CSMD1: variants seen among roughly 807,000 people sequenced by gnomAD.
CSMD1 encodes CUB and Sushi multiple domains 1.
In CSMD1, 213 loss-of-function variants were observed where a neutral mutation model predicts 417.5. That is an observed-to-expected ratio of 0.51 (90% CI 0.46 to 0.57). CSMD1 has a LOEUF of 0.57. Ranked by LOEUF, CSMD1 falls within the 20% of genes least tolerant of loss-of-function variation. The pLI is 0.00. For missense variants in CSMD1, 6,923 were observed against 4,529.7 expected, an observed-to-expected ratio of 1.53 and a Z score of -15.17; for synonymous variants, 2,862 against 1,736.8, an observed-to-expected ratio of 1.65 and a Z score of -16.11.
intron 1 of CSMD1, among the ~76,000 whole-genome samples, chr8:4,741,018 C>A (rs943024127): frequency 6.6e-6 from 1 of 152,048 alleles, no homozygotes; most frequent in African/African-American, 2.4e-5. Flanking sequence ...TTTACTAGAA[C>A]CGAAAGTCCT....
At chr8:3,998,652 A>G (rs972417675) in intron 4 of CSMD1, among the ~76,000 whole-genome samples, 1 of 152,190 alleles carries the variant, frequency 6.6e-6, no homozygotes, top group African/African-American at 2.4e-5. Context: ...TTCTGAGTAG[A>G]AAACAGTTAC....
At chr8:4,303,364 T>G (rs1015559230) in intron 3 of CSMD1, among the ~76,000 whole-genome samples, 1 of 151,288 alleles carries the variant, frequency 6.6e-6, no homozygotes, top group Non-Finnish European at 1.5e-5. Flanking sequence ...CACCAAAATC[T>G]TCAAATAATT....
At chr8:3,610,436 G>A (rs540821509) in intron 8 of CSMD1, among the ~76,000 whole-genome samples, 38 of 147,752 alleles carry the variant, frequency 2.6e-4, no homozygotes, top group African/African-American at 8.5e-4. Context: ...ACAGGAGATC[G>A]AAGTGGGACG....
At chr8:4,337,933 A>C (rs1001335236) in intron 3 of CSMD1, among the ~76,000 whole-genome samples, 3 of 152,174 alleles carry the variant, frequency 2.0e-5, no homozygotes, top group Non-Finnish European at 4.4e-5. Flanking sequence ...TTATCATTTA[A>C]TGATATCGCA....
intron 5 of CSMD1, among the ~76,000 whole-genome samples, chr8:3,906,450 T>C (rs927569521): frequency 6.6e-6 from 1 of 152,112 alleles, no homozygotes. Context: ...TTAGAAATCA[T>C]GATATGAATT....
At chr8:4,892,861 T>G (rs1272493320) in intron 1 of CSMD1, among the ~76,000 whole-genome samples, 1 of 152,168 alleles carries the variant, frequency 6.6e-6, no homozygotes, top group African/African-American at 2.4e-5. Context: ...TTAACAATAT[T>G]CTTACTAAGA....
chr8:3,029,003 C>A (rs1421391894), intron 51 of CSMD1, among the ~76,000 whole-genome samples: 1 of 152,170 alleles, frequency 6.6e-6, no homozygotes, highest in Admixed American at 6.5e-5. Context: ...CTTGAATAGT[C>A]TGTCTATGGC....
At chr8:4,676,891 G>T (rs1488362593) in intron 1 of CSMD1, among the ~76,000 whole-genome samples, 1 of 149,510 alleles carries the variant, frequency 6.7e-6, no homozygotes, top group Non-Finnish European at 1.5e-5. Context: ...TATAGAGAGA[G>T]ATTTTAGATA....
At chr8:3,255,702 C>T (rs545874212) in intron 26 of CSMD1, among the ~76,000 whole-genome samples, 28 of 152,296 alleles carry the variant, frequency 1.8e-4, no homozygotes, top group African/African-American at 6.5e-4. Context: ...GTGCCGTTTG[C>T]TAAGCCCATT....
At chr8:4,393,705 C>A (rs946144121) in intron 3 of CSMD1, among the ~76,000 whole-genome samples, 1 of 152,164 alleles carries the variant, frequency 6.6e-6, no homozygotes, top group Non-Finnish European at 1.5e-5. Flanking sequence ...ACCTGGAACT[C>A]CAGGAGCAGA....
At chr8:3,978,641 C>T (rs1035800524) in intron 5 of CSMD1, among the ~76,000 whole-genome samples, 1 of 152,120 alleles carries the variant, frequency 6.6e-6, no homozygotes, top group Admixed American at 6.6e-5. Context: ...GCTGCTGTCT[C>T]TCCACCTCCT....
chr8:4,821,375 G>A (rs141146841), intron 1 of CSMD1, among the ~76,000 whole-genome samples: 1 of 152,188 alleles, frequency 6.6e-6, no homozygotes, highest in African/African-American at 2.4e-5. Context: ...AAAGAGGTGC[G>A]TTTATCCCCA....
intron 1 of CSMD1, among the ~76,000 whole-genome samples, chr8:4,835,382 G>A (rs1288193269): frequency 6.6e-6 from 1 of 152,124 alleles, no homozygotes; most frequent in Non-Finnish European, 1.5e-5. Context: ...TAGTAATTTG[G>A]GAAGCTGAGC....
At chr8:3,486,652 C>T (rs1008476945) in intron 11 of CSMD1, among the ~76,000 whole-genome samples, 1 of 152,242 alleles carries the variant, frequency 6.6e-6, no homozygotes, top group African/African-American at 2.4e-5. Context: ...GGAGCACCAC[C>T]TTATTTGCAG....
intron 3 of CSMD1, among the ~76,000 whole-genome samples, chr8:4,362,997 T>A (rs540796407): frequency 7.2e-5 from 11 of 152,324 alleles, no homozygotes; most frequent in African/African-American, 2.4e-4. Flanking sequence ...TCAGTAGCAG[T>A]CTTTGAATAG....
At chr8:4,377,478 T>C (rs964305713) in intron 3 of CSMD1, among the ~76,000 whole-genome samples, 1 of 152,156 alleles carries the variant, frequency 6.6e-6, no homozygotes, top group Non-Finnish European at 1.5e-5. Context: ...ACAAGTCAAT[T>C]TGACTATATT....
Position 3,671,560 on chromosome 8 carries a change from CATATATAT to C in CSMD1, c.1009+36846_1009+36853del, listed in dbSNP as rs752837903. Among the ~76,000 whole-genome samples, 21 of 6,524 alleles carry C rather than the reference CATATATAT, an allele frequency of 3.2e-3. 2 individuals are homozygous for C. The highest frequency in any genetic ancestry group is 0.011 in the East Asian group (2 of 184). 4.3% of individuals were successfully genotyped at this position (6,524 alleles called of 152,430 possible). Reference sequence around the variant, plus strand: ...ATATATATATGATCATATATATGATCATATATATATATATATATATATATATATATATA... The same window carrying C: ...ATATATATATGATCATATATATGATCATATATATATATATATATATATATA... On this transcript the variant is annotated intron_variant, in intron 7 of 69. Coordinates refer to ENST00000635120, the MANE Select transcript of CSMD1 (RefSeq NM_033225.6).
intron 2 of CSMD1, among the ~76,000 whole-genome samples, chr8:4,495,467 C>T (rs932526929): frequency 1.3e-4 from 20 of 151,826 alleles, no homozygotes; most frequent in Non-Finnish European, 2.2e-4. Context: ...CCCACCTACT[C>T]GGGAGGCTGA....
chr8:3,265,559 T>C (rs532059221), intron 26 of CSMD1, among the ~76,000 whole-genome samples: 13 of 152,200 alleles, frequency 8.5e-5, no homozygotes, highest in African/African-American at 2.9e-4. Flanking sequence ...TCCTGTTACC[T>C]GGGAATTTGA....
Sources: allele counts gnomAD v4.1 joint callset (sites outside exome capture counted in the v4.1 genomes callset), GRCh38; gene constraint gnomAD v4.1.1; transcripts MANE v1.5; gene names NCBI Gene and HGNC (gene_info 2026-07-23, HGNC 2026-07-21).